MMP16: variants seen among roughly 807,000 people sequenced by gnomAD.
MMP16 encodes matrix metalloproteinase-16.
MMP16 carries 12 observed loss-of-function variants against 67.8 expected under a neutral mutation model. The observed-to-expected ratio is 0.18, with a 90% CI of 0.11 to 0.29. MMP16 has a LOEUF of 0.29. MMP16 is among the 10% of genes least tolerant of loss of function. MMP16 has a pLI of 1.00. For missense variants in MMP16, 475 were observed against 765.7 expected (o/e 0.62, Z 4.48); for synonymous variants, 249 against 255.9 (o/e 0.97, Z 0.26).
chr8:88,180,035 A>G (rs956850888), intron 3 of MMP16, among the ~76,000 whole-genome samples: 2 of 152,188 alleles, frequency 1.3e-5, no homozygotes, highest in Non-Finnish European at 2.9e-5. Flanking sequence ...CAATCCCAGC[A>G]CTTTGGGAGG....
intron 4 of MMP16, among the ~76,000 whole-genome samples, chr8:88,127,087 A>C (rs1224377602): frequency 6.6e-6 from 1 of 151,862 alleles, no homozygotes; most frequent in Non-Finnish European, 1.5e-5. Flanking sequence ...ACAGGAATCT[A>C]AATATCAGTT....
At chr8:88,326,371 TC>T (rs1811537722) in intron 1 of MMP16, among the ~76,000 whole-genome samples, 1 of 151,850 alleles carries the variant, frequency 6.6e-6, no homozygotes, top group Non-Finnish European at 1.5e-5. Flanking sequence ...GTCTAAAACC[TC>T]CCCGTTTTGC....
intron 1 of MMP16, among the ~76,000 whole-genome samples, chr8:88,281,109 T>C (rs1810727702): frequency 6.6e-6 from 1 of 152,288 alleles, no homozygotes; most frequent in African/African-American, 2.4e-5. Context: ...CAAGGACAAG[T>C]CTTTGCAATT....
In MMP16 at chr8:88,041,888, G is replaced by C; in HGVS notation, c.1490-93C>G. Reference sequence around the variant, plus strand: ...TACTAAAATAGGCTATGTCTTAAGAGATGTATTTTAAGGCCCTTTAATTTT... The same window carrying C: ...TACTAAAATAGGCTATGTCTTAAGACATGTATTTTAAGGCCCTTTAATTTT... On this transcript the variant is annotated intron_variant, in intron 9 of 9. Coordinates refer to ENST00000286614, the MANE Select transcript of MMP16 (RefSeq NM_005941.5). This position sits in a 1 kb window ranked among gnomAD's most constrained non-coding sequence, Gnocchi z 6.0. 1 of 969,016 alleles carries C rather than the reference G, an allele frequency of 1.0e-6. No homozygotes were observed. Among genetic ancestry groups the C allele is most frequent in the Admixed American group, 2.7e-5 (1 of 37,560 alleles). 60.0% of individuals were successfully genotyped at this position (969,016 alleles called of 1,614,324 possible).
intron 7 of MMP16, among the ~76,000 whole-genome samples, chr8:88,072,251 G>T (rs1240931520): frequency 6.6e-6 from 1 of 151,986 alleles, no homozygotes; most frequent in Non-Finnish European, 1.5e-5. Context: ...TGGTGAGGGT[G>T]GTGGAGGGGG....
intron 4 of MMP16, among the ~76,000 whole-genome samples, chr8:88,164,904 A>G (rs550918056): frequency 1.3e-5 from 2 of 151,944 alleles, no homozygotes; most frequent in African/African-American, 4.8e-5. Context: ...CTTCCCACAT[A>G]TACATTCCTT....
chr8:88,309,451 G>C (rs1325738554), intron 1 of MMP16, among the ~76,000 whole-genome samples: 2 of 151,570 alleles, frequency 1.3e-5, no homozygotes, highest in Admixed American at 1.3e-4. Flanking sequence ...AGGAGGGAGG[G>C]GGGGAACTGT....
At chr8:88,043,393 C>T (rs1206985677) in intron 9 of MMP16, among the ~76,000 whole-genome samples, 1 of 152,156 alleles carries the variant, frequency 6.6e-6, no homozygotes, top group Non-Finnish European at 1.5e-5. Context: ...AAGCGATTCT[C>T]CTGCTTCAGC....
Position 88,032,185 on chromosome 8 carries a change from A to G in MMP16, c.*9276T>C, listed in dbSNP as rs1308647731. The G allele has an allele frequency of 6.6e-6, 1 of 152,220 alleles. No homozygotes were observed. Among genetic ancestry groups the G allele is most frequent in the Non-Finnish European group, 1.5e-5 (1 of 68,054 alleles). The allele number at this position is 152,220 out of a possible 1,614,324, so 9.4% of individuals were successfully genotyped here. The stretch of plus-strand genomic sequence containing the variant: ...TCCCCTCCTTGAATGGAAACAAAAT[A>G]AATATAAATTAATAAATACAAAACA... On this transcript the variant is annotated 3_prime_UTR_variant, in exon 10 of 10. Coordinates refer to ENST00000286614, the MANE Select transcript of MMP16 (RefSeq NM_005941.5).
At chr8:88,326,625 CTAG>C (rs1210190159) in intron 1 of MMP16, among the ~76,000 whole-genome samples, 2 of 152,242 alleles carry the variant, frequency 1.3e-5, no homozygotes, top group Non-Finnish European at 2.9e-5. Context: ...ACGCTCTCCT[CTAG>C]ATTCTTTGAT....
At position 88,327,338 on chromosome 8, in the gene MMP16, C is replaced by T. The variant is rs1811557359; in HGVS notation, c.-132G>A. On this transcript the variant is annotated 5_prime_UTR_variant, in exon 1 of 10. Coordinates refer to ENST00000286614, the MANE Select transcript of MMP16 (RefSeq NM_005941.5). ...AGGAGCCTGCAGGTTCACCCACAGC[C>T]GGGCAAGGGGAGGAGACAGGGGCCC... 2.7e-5 allele frequency: 33 copies of T among 1,237,126 alleles called. No individual in the cohort carries two copies. In the South Asian group the frequency reaches 4.1e-4, roughly 15 times the overall value. The allele number at this position is 1,237,126 out of a possible 1,614,324, so 76.6% of individuals were successfully genotyped here. A position where few individuals can be genotyped will look rare whatever the true frequency, so the allele number is the denominator to read the frequency against.
At chr8:88,198,781 T>C (rs1344303014) in intron 1 of MMP16, among the ~76,000 whole-genome samples, 1 of 152,022 alleles carries the variant, frequency 6.6e-6, no homozygotes, top group Non-Finnish European at 1.5e-5. Flanking sequence ...GGAAGGTGTA[T>C]TAGTGAAACC....
chr8:88,261,497 T>C (rs1175231658), intron 1 of MMP16, among the ~76,000 whole-genome samples: 1 of 152,100 alleles, frequency 6.6e-6, no homozygotes, highest in East Asian at 1.9e-4. Context: ...TTTACTACCA[T>C]ACTTAATAGT....
At chr8:88,085,455 A>G (rs1808818542) in intron 6 of MMP16, among the ~76,000 whole-genome samples, 1 of 152,066 alleles carries the variant, frequency 6.6e-6, no homozygotes, top group African/African-American at 2.4e-5. Flanking sequence ...CACGGTTTTC[A>G]GGGCTCATCA....
intron 4 of MMP16, among the ~76,000 whole-genome samples, chr8:88,138,579 A>T (rs1488087985): frequency 2.0e-5 from 3 of 151,874 alleles, no homozygotes; most frequent in Non-Finnish European, 4.4e-5. Context: ...GGCTTCCTTC[A>T]TGGCCTCACA....
At chr8:88,250,921 T>G (rs1586226704) in intron 1 of MMP16, among the ~76,000 whole-genome samples, 1 of 124,780 alleles carries the variant, frequency 8.0e-6, no homozygotes, top group Non-Finnish European at 1.7e-5. Flanking sequence ...ATGCTATCCC[T>G]CCCCCCTCCC....
chr8:88,161,888 G>A (rs554697561), intron 4 of MMP16, among the ~76,000 whole-genome samples: 1 of 152,146 alleles, frequency 6.6e-6, no homozygotes, highest in South Asian at 2.1e-4. Context: ...TTAATCCTGA[G>A]TTCTAGTTTG....
intron 1 of MMP16, among the ~76,000 whole-genome samples, chr8:88,289,113 G>C (rs982818880): frequency 6.6e-6 from 1 of 151,034 alleles, no homozygotes; most frequent in African/African-American, 2.4e-5. Context: ...CCCAGAAAGA[G>C]ACAGAGACAG....
chr8:88,052,548 A>C (rs1037679694), intron 8 of MMP16, among the ~76,000 whole-genome samples: 1 of 152,176 alleles, frequency 6.6e-6, no homozygotes, highest in African/African-American at 2.4e-5. Context: ...GAATACACAG[A>C]AGATCATGTC....
Sources: gnomAD v4.1 joint callset for allele counts (sites outside exome capture counted in the v4.1 genomes callset) on GRCh38, gnomAD v4.1.1 for gene constraint, Gnocchi (gnomAD v3.1) non-coding constraint, MANE v1.5 for transcripts, NCBI Gene and HGNC (gene_info 2026-07-23, HGNC 2026-07-21) for gene names.